Variants in EIF5B observed in about 807,000 individuals in gnomAD.
EIF5B encodes eIF-5B.
Under a neutral mutation model 147.5 loss-of-function variants are expected in EIF5B, and 47 were observed. The ratio of observed to expected loss-of-function variants is 0.32; its 90% confidence interval spans 0.25 to 0.41. The LOEUF (loss-of-function observed/expected upper bound fraction) is 0.41, where lower values mean the gene tolerates loss of function less well. EIF5B is among the 10% of genes least tolerant of loss of function. The probability of loss-of-function intolerance (pLI) is 1.00; values close to 1 mark genes in which losing one functional copy is unlikely to be tolerated. For synonymous variants in EIF5B, 455 were observed against 456.2 expected, an observed-to-expected ratio of 1.00 and a Z score of 0.03; for missense variants, 1,064 against 1,413.2, an observed-to-expected ratio of 0.75 and a Z score of 3.96.
rs1195199980 is a variant in EIF5B at position 99,379,037 on chromosome 2, A to G, written c.1861A>G (p.Ser621Gly). Reference protein sequence around the residue: ...RRIEKRRLEHSKNVNTEKLRA... With the variant: ...RRIEKRRLEHGKNVNTEKLRA... ...TTTCTAGAAACGGCGACTTGAACAT[A>G]GTAAAAATGTAAACACCGAAAAGCT... Residue 621 changes from serine (S) to glycine (G), a missense_variant, in exon 11 of 24, where the codon AGT becomes GGT. Ser to Gly is a moderately conservative substitution (Grantham distance 56, BLOSUM62 0). This residue lies in a region of EIF5B where 195 missense variants were observed against 186.3 expected (regional missense o/e 1.05). Coordinates refer to ENST00000289371, the MANE Select transcript of EIF5B (RefSeq NM_015904.4). The G allele has an allele frequency of 8.9e-6, 14 of 1,571,760 alleles. No individual in the cohort carries two copies. Among genetic ancestry groups the G allele is most frequent in the Non-Finnish European group, 1.2e-5 (14 of 1,163,438 alleles).
At chr2:99,398,720 T>C in intron 22 of EIF5B, 28 bp from the exon 23 acceptor site, 10 of 1,592,674 alleles carry the variant, frequency 6.3e-6, no homozygotes, top group Non-Finnish European at 7.7e-6. Context: ...TTCTTCTGCA[T>C]GCATTTTAAT....
At chr2:99,337,688 A>G in intron 1 of EIF5B, 99 bp downstream of exon 1, 1 of 1,427,638 alleles carries the variant, frequency 7.0e-7, no homozygotes, top group Non-Finnish European at 9.4e-7. Context: ...TGGGCTCGCG[A>G]TGAGCTTCGC....
chr2:99,359,239 G>A (rs1006288243), intron 1 of EIF5B, among the ~76,000 whole-genome samples: 2 of 151,764 alleles, frequency 1.3e-5, no homozygotes, highest in Non-Finnish European at 2.9e-5. Context: ...CATGGTGGCG[G>A]GCTCCTGTAG....
Position 99,376,230 on chromosome 2 carries a change from T to C in EIF5B, c.1553-117T>C, listed in dbSNP as rs1216550542. 8.1e-6 allele frequency: 5 copies of C among 617,448 alleles called. No individual in the cohort carries two copies. The Admixed American group carries it at 1.2e-4, about 15-fold the overall frequency. 38.2% of individuals were successfully genotyped at this position (617,448 alleles called of 1,614,324 possible). ...TATGTGTGGCCCAAGACAATTCTTC[T>C]TGTAATGTGGCTCAGGGAAGCCAAA... On this transcript the variant is annotated intron_variant, in intron 9 of 23. Transcript: ENST00000289371.
intron 6 of EIF5B, 116 bp from the exon 7 acceptor site, chr2:99,368,377 C>A: frequency 1.4e-6 from 1 of 736,450 alleles, no homozygotes. Context: ...CATGAATATC[C>A]TTTCATATTT....
At chr2:99,347,512 T>G (rs988756351) in intron 1 of EIF5B, among the ~76,000 whole-genome samples, 11 of 152,026 alleles carry the variant, frequency 7.2e-5, no homozygotes, top group African/African-American at 2.7e-4. Flanking sequence ...TCAGTTTTTT[T>G]TTTTTTTAAC....
chr2:99,400,475 TAG>T lies in EIF5B; in HGVS notation c.*1063_*1064del, dbSNP rs1310294660. On this transcript the variant is annotated 3_prime_UTR_variant, in exon 24 of 24. Transcript: ENST00000289371. ...AAAAAGTTCCAAATATCCACTAGCA[TAG>T]AATTTTAAACTATTTTTATTTTAAA... The T allele has an allele frequency of 6.6e-6, 1 of 152,200 alleles. No homozygotes were observed. The highest frequency in any genetic ancestry group is 2.4e-5 in the African/African-American group (1 of 41,434). 9.4% of individuals were successfully genotyped at this position (152,200 alleles called of 1,614,324 possible).
chr2:99,339,243 C>T (rs2094253458), intron 1 of EIF5B, among the ~76,000 whole-genome samples: 1 of 151,684 alleles, frequency 6.6e-6, no homozygotes, highest in African/African-American at 2.4e-5. Context: ...GAACTCCCGA[C>T]CTCAGGTGAT....
intron 8 of EIF5B, 144 bp downstream of exon 8, chr2:99,369,625 C>G (rs1373376294): frequency 1.8e-6 from 1 of 564,844 alleles, no homozygotes; most frequent in African/African-American, 1.9e-5. Flanking sequence ...ATAGTTCTTT[C>G]TTTTCTATTT....
At chr2:99,342,627 CT>C (rs35402926) in intron 1 of EIF5B, among the ~76,000 whole-genome samples, 65,997 of 150,954 alleles carry the variant, frequency 0.44, 14,678 homozygotes, top group Admixed American at 0.57. Flanking sequence ...TTTTTGTCTC[CT>C]TTTCTCCTTC....
At chr2:99,393,396 C>CG (rs1425124637) in intron 18 of EIF5B, among the ~76,000 whole-genome samples, 1 of 151,982 alleles carries the variant, frequency 6.6e-6, no homozygotes, top group Non-Finnish European at 1.5e-5. Context: ...GTCCCAGCTA[C>CG]TTGGGAGGCT....
intron 6 of EIF5B, among the ~76,000 whole-genome samples, chr2:99,366,152 G>A (rs1392894495): frequency 1.3e-5 from 2 of 152,154 alleles, no homozygotes; most frequent in Non-Finnish European, 2.9e-5. Context: ...CAGGCAAAGA[G>A]CTTCTTCAAG....
chr2:99,382,440 G>A (rs1674709272), intron 13 of EIF5B, among the ~76,000 whole-genome samples: 1 of 152,134 alleles, frequency 6.6e-6, no homozygotes, highest in Non-Finnish European at 1.5e-5. Flanking sequence ...CCTTAATGTG[G>A]AATGCAGAAA....
chr2:99,368,341 T>C (rs186988362), intron 6 of EIF5B, 152 bp from the exon 7 acceptor site: 3 of 658,498 alleles, frequency 4.6e-6, no homozygotes, highest in Non-Finnish European at 2.7e-6. Flanking sequence ...TTAAAATACC[T>C]TATATGTAAA....
At chr2:99,386,792 G>A (rs757599988) in intron 14 of EIF5B, among the ~76,000 whole-genome samples, 7 of 152,042 alleles carry the variant, frequency 4.6e-5, no homozygotes, top group African/African-American at 1.4e-4. Flanking sequence ...GTGATCCACC[G>A]CTTTGGCCAC....
Position 99,390,250 on chromosome 2 carries a change from A to C in EIF5B, c.2435A>C (p.Lys812Thr), listed in dbSNP as rs1233975090. Reference protein sequence around the residue: ...GLNAALFYENKDPRTFVSLVP... With the variant: ...GLNAALFYENTDPRTFVSLVP... ...AATGCTGCTTTGTTTTATGAGAATA[A>C]AGATCCCCGCACTTTTGTGTCTTTG... The change falls in exon 16 of 24, where the codon AAA (lysine) becomes ACA (threonine). Residue 812 changes from lysine (K) to threonine (T), a missense_variant. By Grantham distance (78) the Lys-to-Thr change is moderately conservative (BLOSUM62 -1). This residue lies in a region of EIF5B where 380 missense variants were observed against 715.6 expected (regional missense o/e 0.53). Coordinates refer to ENST00000289371, the MANE Select transcript of EIF5B (RefSeq NM_015904.4). 2.2e-5 allele frequency: 36 copies of C among 1,613,948 alleles called. No individual in the cohort carries two copies. Among genetic ancestry groups the C allele is most frequent in the Non-Finnish European group, 3.0e-5 (35 of 1,180,000 alleles).
At chr2:99,381,186 A>G (rs1473993631) in intron 12 of EIF5B, among the ~76,000 whole-genome samples, 4 of 152,162 alleles carry the variant, frequency 2.6e-5, no homozygotes, top group South Asian at 2.1e-4. Flanking sequence ...CAGTATTTCT[A>G]TGTTTTAGTC....
At chr2:99,372,586 C>T (rs956561268) in intron 9 of EIF5B, among the ~76,000 whole-genome samples, 3 of 152,226 alleles carry the variant, frequency 2.0e-5, no homozygotes, top group African/African-American at 7.2e-5. Flanking sequence ...GATCCGCCCG[C>T]CTTGGCCTCC....
At chr2:99,339,204 G>T (rs903202770) in intron 1 of EIF5B, among the ~76,000 whole-genome samples, 39 of 151,330 alleles carry the variant, frequency 2.6e-4, no homozygotes, top group African/African-American at 8.7e-4. Flanking sequence ...GTAGAGACGG[G>T]GTTACTCCAT....
Sources: allele counts gnomAD v4.1 joint callset (sites outside exome capture counted in the v4.1 genomes callset), GRCh38; gene constraint gnomAD v4.1.1; regional missense constraint gnomAD v4.1.1; transcripts MANE v1.5; gene names NCBI Gene and HGNC (gene_info 2026-07-23, HGNC 2026-07-21).